Variants in CHST11 observed in about 807,000 individuals in gnomAD.
CHST11 encodes carbohydrate sulfotransferase 11, also known as C4S-1.
In CHST11, 9 loss-of-function variants were observed where a neutral mutation model predicts 30.4. That is an observed-to-expected ratio of 0.30 (90% CI 0.18 to 0.52). The LOEUF (loss-of-function observed/expected upper bound fraction) is 0.52. Ranked by LOEUF, CHST11 falls within the 20% of genes least tolerant of loss-of-function variation. The pLI is 0.97. For missense variants in CHST11, 348 were observed against 460.6 expected, an observed-to-expected ratio of 0.76 and a Z score of 2.24; for synonymous variants, 152 against 187.8, an observed-to-expected ratio of 0.81 and a Z score of 1.56.
intron 2 of CHST11, among the ~76,000 whole-genome samples, chr12:104,682,874 C>G (rs766045062): frequency 6.6e-6 from 1 of 152,228 alleles, no homozygotes; most frequent in Admixed American, 6.5e-5. Context: ...AATGAGCCAG[C>G]TACCGTAACC....
chr12:104,599,565 A>AT (rs2038938956), intron 1 of CHST11, among the ~76,000 whole-genome samples: 1 of 152,278 alleles, frequency 6.6e-6, no homozygotes, highest in African/African-American at 2.4e-5. Flanking sequence ...GAAGTCATAA[A>AT]TTAAAGAAAA....
chr12:104,581,841 A>G (rs1219307684), intron 1 of CHST11, among the ~76,000 whole-genome samples: 2 of 152,212 alleles, frequency 1.3e-5, no homozygotes, highest in South Asian at 2.1e-4. Flanking sequence ...GCACTTTGCC[A>G]TTTGAATTTG....
intron 1 of CHST11, among the ~76,000 whole-genome samples, chr12:104,484,321 C>G (rs148172440): frequency 4.6e-5 from 7 of 152,310 alleles, no homozygotes; most frequent in Non-Finnish European, 8.8e-5. Flanking sequence ...CATTAACATA[C>G]TCAGTGCTCT....
At chr12:104,741,997 A>G (rs1371152338) in intron 2 of CHST11, among the ~76,000 whole-genome samples, 1 of 151,986 alleles carries the variant, frequency 6.6e-6, no homozygotes, top group Non-Finnish European at 1.5e-5. Context: ...CATTCCTGCT[A>G]TCCTGCCCCC....
chr12:104,734,740 G>C (rs1405355094), intron 2 of CHST11, among the ~76,000 whole-genome samples: 1 of 152,204 alleles, frequency 6.6e-6, no homozygotes, highest in African/African-American at 2.4e-5. Context: ...CCCAGGGTGA[G>C]GAGGATTTGT....
At chr12:104,668,698 C>T (rs835491) in intron 2 of CHST11, among the ~76,000 whole-genome samples, 54,643 of 151,794 alleles carry the variant, frequency 0.36, 9,906 homozygotes, top group Admixed American at 0.38. Flanking sequence ...CCAGTCTGTC[C>T]GATGGCAGCA....
At chr12:104,703,882 G>A (rs1246128367) in intron 2 of CHST11, among the ~76,000 whole-genome samples, 7 of 152,256 alleles carry the variant, frequency 4.6e-5, no homozygotes, top group East Asian at 1.9e-4. Flanking sequence ...ACTTATCATC[G>A]ACGCCTGGTT....
At chr12:104,499,179 G>C (rs1053192532) in intron 1 of CHST11, among the ~76,000 whole-genome samples, 3 of 152,232 alleles carry the variant, frequency 2.0e-5, no homozygotes, top group African/African-American at 7.2e-5. Flanking sequence ...TTATGGGAGA[G>C]GGTGTTAGGT....
chr12:104,715,252 T>C (rs922826598), intron 2 of CHST11, among the ~76,000 whole-genome samples: 2 of 152,056 alleles, frequency 1.3e-5, no homozygotes. Flanking sequence ...TCGGCGCCTG[T>C]AATCCCAGCT....
At chr12:104,603,783 T>C (rs1219179992) in intron 2 of CHST11, among the ~76,000 whole-genome samples, 1 of 152,186 alleles carries the variant, frequency 6.6e-6, no homozygotes, top group Non-Finnish European at 1.5e-5. Flanking sequence ...TTCTTAGCTA[T>C]GTGACTATGG....
At chr12:104,661,633 G>A (rs2039599822) in intron 2 of CHST11, among the ~76,000 whole-genome samples, 1 of 152,178 alleles carries the variant, frequency 6.6e-6, no homozygotes, top group Admixed American at 6.5e-5. Flanking sequence ...AGACATTTAG[G>A]AAGCAAGAGA....
chr12:104,664,342 A>T (rs7964355), intron 2 of CHST11, among the ~76,000 whole-genome samples: 2 of 152,152 alleles, frequency 1.3e-5, no homozygotes. Flanking sequence ...TTAAGACTTT[A>T]TTTTTCTAAG....
chr12:104,468,825 G>A (rs1346528789), intron 1 of CHST11, among the ~76,000 whole-genome samples: 1 of 152,152 alleles, frequency 6.6e-6, no homozygotes, highest in African/African-American at 2.4e-5. Context: ...CCAAGTGAAG[G>A]TAGTAATGTT....
intron 2 of CHST11, among the ~76,000 whole-genome samples, chr12:104,746,325 TTAAC>T (rs10604363): frequency 0.015 from 2,252 of 152,308 alleles, 20 homozygotes; most frequent in Admixed American, 0.021. Context: ...AAGAAGTACT[TTAAC>T]TACACTAGGG....
At chr12:104,550,741 G>A (rs1485091226) in intron 1 of CHST11, among the ~76,000 whole-genome samples, 2 of 152,196 alleles carry the variant, frequency 1.3e-5, no homozygotes, top group Non-Finnish European at 2.9e-5. Context: ...TGAAATCACA[G>A]TGAAGAGCAA....
intron 1 of CHST11, among the ~76,000 whole-genome samples, chr12:104,541,382 CT>C (rs1414300117): frequency 1.3e-5 from 2 of 151,884 alleles, no homozygotes; most frequent in Non-Finnish European, 2.9e-5. Flanking sequence ...CTGCAAGACC[CT>C]TTTCATGAAA....
At chr12:104,722,596 C>T (rs312148) in intron 2 of CHST11, among the ~76,000 whole-genome samples, 59,771 of 151,698 alleles carry the variant, frequency 0.39, 11,816 homozygotes, top group South Asian at 0.49. Flanking sequence ...ATCGTTTCTG[C>T]TTGTGGAAGA....
chr12:104,535,400 C>A (rs1704926), intron 1 of CHST11, among the ~76,000 whole-genome samples: 1 of 151,942 alleles, frequency 6.6e-6, no homozygotes, highest in African/African-American at 2.4e-5. Flanking sequence ...TGGGTTTTAA[C>A]TGCAAACTGT....
chr12:104,473,726 ATC>A (rs1363350040), intron 1 of CHST11, among the ~76,000 whole-genome samples: 1 of 151,944 alleles, frequency 6.6e-6, no homozygotes, highest in Admixed American at 6.6e-5. Context: ...GTAAAAAGGC[ATC>A]TCTCTGTGGC....
Sources: allele counts gnomAD v4.1 joint callset (sites outside exome capture counted in the v4.1 genomes callset), GRCh38; gene constraint gnomAD v4.1.1; transcripts MANE v1.5; gene names NCBI Gene and HGNC (gene_info 2026-07-23, HGNC 2026-07-21).